Variants in GRID1 observed in about 807,000 individuals in gnomAD.
The protein encoded by GRID1 is glutamate receptor ionotropic, delta-1.
In GRID1, 28 loss-of-function variants were observed where a neutral mutation model predicts 98.0. The ratio of observed to expected loss-of-function variants is 0.29; its 90% CI spans 0.21 to 0.39. The LOEUF (loss-of-function observed/expected upper bound fraction) is 0.39. Ranked by LOEUF, GRID1 falls within the 10% of genes least tolerant of loss-of-function variation. The pLI, the probability that GRID1 is intolerant of heterozygous loss-of-function variation, is 1.00. For missense variants in GRID1, 1,111 were observed against 1,340.5 expected (o/e 0.83, Z 2.67); for synonymous variants, 553 against 538.5 (o/e 1.03, Z -0.37).
intron 5 of GRID1, among the ~76,000 whole-genome samples, chr10:85,879,702 AT>A (rs1428792021): frequency 2.0e-5 from 3 of 152,204 alleles, no homozygotes; most frequent in African/African-American, 7.2e-5. Context: ...TAACATCACA[AT>A]TAAAAGAACT....
chr10:85,633,765 T>A (rs1048549977), intron 13 of GRID1, among the ~76,000 whole-genome samples: 2 of 151,964 alleles, frequency 1.3e-5, no homozygotes, highest in African/African-American at 4.8e-5. Flanking sequence ...ACAAAAGAGG[T>A]CACATTCTGA....
chr10:85,789,096 G>C (rs1321422455), intron 8 of GRID1, among the ~76,000 whole-genome samples: 1 of 152,148 alleles, frequency 6.6e-6, no homozygotes, highest in Non-Finnish European at 1.5e-5. Flanking sequence ...CGGGAAGGAG[G>C]CAGAATATAA....
chr10:85,715,673 C>G (rs1841630306), intron 12 of GRID1, among the ~76,000 whole-genome samples: 1 of 152,040 alleles, frequency 6.6e-6, no homozygotes, highest in Admixed American at 6.5e-5. Flanking sequence ...CACCTTACAC[C>G]TGTTAGAATG....
intron 3 of GRID1, among the ~76,000 whole-genome samples, chr10:86,169,970 C>T (rs1845458765): frequency 6.6e-6 from 1 of 152,210 alleles, no homozygotes; most frequent in Admixed American, 6.5e-5. Flanking sequence ...AGGAAAGCGC[C>T]CCGTGCAAGC....
At chr10:86,215,942 T>C (rs773863479) in intron 2 of GRID1, among the ~76,000 whole-genome samples, 1 of 152,220 alleles carries the variant, frequency 6.6e-6, no homozygotes, top group Non-Finnish European at 1.5e-5. Flanking sequence ...CCAGTGTACT[T>C]GCCAACCTTC....
chr10:85,603,932 A>G (rs1842618824), intron 15 of GRID1, among the ~76,000 whole-genome samples: 1 of 152,200 alleles, frequency 6.6e-6, no homozygotes, highest in African/African-American at 2.4e-5. Context: ...GAAGCCCTGA[A>G]TATGCCTTCA....
chr10:86,217,110 A>G (rs901433960), intron 2 of GRID1, among the ~76,000 whole-genome samples: 1 of 152,088 alleles, frequency 6.6e-6, no homozygotes, highest in African/African-American at 2.4e-5. Flanking sequence ...GGGTACTACT[A>G]CCCCATTCTA....
chr10:85,891,794 A>G (rs2131809673), intron 5 of GRID1, among the ~76,000 whole-genome samples: 1 of 152,228 alleles, frequency 6.6e-6, no homozygotes, highest in Non-Finnish European at 1.5e-5. Context: ...CAAGCACCCA[A>G]CCATGTAAAA....
Position 86,034,835 on chromosome 10 carries a change from G to C in GRID1, c.726+103984C>G, listed in dbSNP as rs544447239. ...TGGATGGATGGACCTACTGATGAAT[G>C]GATGCAATGAATGGACAGATCAATG... On this transcript the variant is annotated intron_variant, in intron 4 of 15. Coordinates refer to ENST00000327946, the MANE Select transcript of GRID1 (RefSeq NM_017551.3). Among the ~76,000 whole-genome samples, 6 of 151,886 alleles carry C rather than the reference G, an allele frequency of 4.0e-5. No individual in the cohort carries two copies. In the South Asian group the frequency reaches 1.3e-3, roughly 32 times the overall value.
At chr10:85,709,647 C>CT (rs1841561084) in intron 12 of GRID1, among the ~76,000 whole-genome samples, 2 of 152,242 alleles carry the variant, frequency 1.3e-5, no homozygotes, top group South Asian at 4.1e-4. Context: ...GCCCATGGAG[C>CT]TCATAGTCTG....
intron 5 of GRID1, among the ~76,000 whole-genome samples, chr10:85,896,275 A>T (rs1326374554): frequency 6.6e-6 from 1 of 152,190 alleles, no homozygotes; most frequent in Non-Finnish European, 1.5e-5. Flanking sequence ...CCAATATAAT[A>T]ATCAGAACTT....
chr10:85,965,969 T>C (rs1021744885), intron 4 of GRID1, among the ~76,000 whole-genome samples: 1 of 152,066 alleles, frequency 6.6e-6, no homozygotes, highest in Non-Finnish European at 1.5e-5. Context: ...CAGCAATCAC[T>C]CAACCCAGGT....
chr10:86,191,876 G>A (rs563342568), intron 3 of GRID1, among the ~76,000 whole-genome samples: 1 of 152,106 alleles, frequency 6.6e-6, no homozygotes, highest in Non-Finnish European at 1.5e-5. Context: ...CCTGGAGTGG[G>A]CCATGTGTTC....
At chr10:85,871,670 T>C (rs1368343278) in intron 5 of GRID1, among the ~76,000 whole-genome samples, 1 of 152,180 alleles carries the variant, frequency 6.6e-6, no homozygotes, top group Admixed American at 6.5e-5. Flanking sequence ...GGTTTCAAAA[T>C]CATTTAAACA....
rs1589297814 is a variant in GRID1 at position 85,916,279 on chromosome 10, C to T, written c.727-40G>A. On this transcript the variant is annotated intron_variant, in intron 4 of 15. Transcript: ENST00000327946. This position sits in a 1 kb window ranked among gnomAD's most constrained non-coding sequence, Gnocchi z 4.0. ...AGAACGAACATGAACAGAAGCAAGACAGAAGCTGGCAGACACAGGATGATT... is the reference window on the plus strand; with the variant it reads ...AGAACGAACATGAACAGAAGCAAGATAGAAGCTGGCAGACACAGGATGATT... The T allele has an allele frequency of 7.3e-7, 1 of 1,363,912 alleles. No homozygotes were observed. The allele number at this position is 1,363,912 out of a possible 1,614,324, so 84.5% of individuals were successfully genotyped here.
intron 6 of GRID1, among the ~76,000 whole-genome samples, chr10:85,866,303 C>CGAA (rs748539186): frequency 1.1e-4 from 7 of 65,410 alleles, no homozygotes; most frequent in African/African-American, 4.0e-4. Flanking sequence ...TAAATCACAC[C>CGAA]AAAAAAAAAA....
intron 4 of GRID1, among the ~76,000 whole-genome samples, chr10:86,035,470 G>A (rs1243679145): frequency 6.6e-6 from 1 of 152,180 alleles, no homozygotes; most frequent in Non-Finnish European, 1.5e-5. Flanking sequence ...AGTGTGCTGT[G>A]CAAGATCCAG....
intron 8 of GRID1, among the ~76,000 whole-genome samples, chr10:85,820,071 A>AAGGG (rs1564600282): frequency 2.3e-5 from 2 of 85,366 alleles, no homozygotes; most frequent in African/African-American, 6.6e-5. Flanking sequence ...GGCAGGCAGG[A>AAGGG]AGGCAGGTAG....
At chr10:85,959,642 C>T (rs1023475852) in intron 4 of GRID1, among the ~76,000 whole-genome samples, 4 of 151,802 alleles carry the variant, frequency 2.6e-5, no homozygotes, top group Admixed American at 2.0e-4. Flanking sequence ...ACTCTTTTTC[C>T]GGTCTGGCTT....
Sources: allele counts gnomAD v4.1 joint callset (sites outside exome capture counted in the v4.1 genomes callset), GRCh38; gene constraint gnomAD v4.1.1; non-coding constraint Gnocchi (gnomAD v3.1); transcripts MANE v1.5; gene names NCBI Gene and HGNC (gene_info 2026-07-23, HGNC 2026-07-21).